Variants in RELN observed in about 807,000 individuals in gnomAD.
RELN encodes the protein reelin.
Under a neutral mutation model 427.6 loss-of-function variants are expected in RELN, and 108 were observed. The ratio of observed to expected loss-of-function variants is 0.25; its 90% CI spans 0.22 to 0.30. RELN has a LOEUF of 0.30. RELN is among the 10% of genes least tolerant of loss of function. The pLI, the probability that RELN is intolerant of heterozygous loss-of-function variation, is 1.00. For synonymous variants in RELN, 1,524 were observed against 1,513.4 expected, an observed-to-expected ratio of 1.01 and a Z score of -0.16; for missense variants, 3,715 against 4,302.8, an observed-to-expected ratio of 0.86 and a Z score of 3.82.
At chr7:103,535,192 T>C (rs375140633) in intron 46 of RELN, 124 bp downstream of exon 46, 12 of 866,546 alleles carry the variant, frequency 1.4e-5, no homozygotes, top group South Asian at 8.5e-5. Flanking sequence ...AATTCATACA[T>C]GGCAATACCA....
chr7:103,687,651 A>G (rs1037093987), intron 10 of RELN, among the ~76,000 whole-genome samples: 21 of 152,162 alleles, frequency 1.4e-4, no homozygotes, highest in African/African-American at 4.6e-4. Context: ...TGCTAGGTAC[A>G]AAGATGATAG....
chr7:103,928,786 T>C (rs1795799168), intron 1 of RELN, among the ~76,000 whole-genome samples: 1 of 151,996 alleles, frequency 6.6e-6, no homozygotes, highest in South Asian at 2.1e-4. Flanking sequence ...CAATCCAGAA[T>C]GAGGATGATG....
intron 48 of RELN, 47 bp from the exon 49 acceptor site, chr7:103,519,563 T>G: frequency 7.1e-7 from 1 of 1,403,856 alleles, no homozygotes; most frequent in South Asian, 1.2e-5. Flanking sequence ...GAATCTCGAT[T>G]GCAGATTATA....
At chr7:103,611,838 A>C (rs374844630) in intron 20 of RELN, 35 bp from the exon 21 acceptor site, 2 of 1,531,936 alleles carry the variant, frequency 1.3e-6, no homozygotes, top group African/African-American at 2.7e-5. Flanking sequence ...AGAAAATTCT[A>C]AACACAATGT....
intron 4 of RELN, among the ~76,000 whole-genome samples, chr7:103,763,781 G>T (rs1206890892): frequency 6.6e-6 from 1 of 152,146 alleles, no homozygotes; most frequent in African/African-American, 2.4e-5. Flanking sequence ...GAGAGAGAGA[G>T]AGGTGGGACA....
chr7:103,738,514 A>G (rs911061923), intron 6 of RELN, among the ~76,000 whole-genome samples: 1 of 151,954 alleles, frequency 6.6e-6, no homozygotes, highest in Non-Finnish European at 1.5e-5. Context: ...TATACAACAT[A>G]ATCATCACCC....
intron 21 of RELN, 97 bp downstream of exon 21, chr7:103,611,514 A>G: frequency 1.1e-6 from 1 of 927,758 alleles, no homozygotes; most frequent in Admixed American, 2.5e-5. Context: ...TTTTCAACCA[A>G]ACCTAAACTT....
chr7:103,736,170 C>T (rs1351079083), intron 6 of RELN, among the ~76,000 whole-genome samples: 3 of 152,094 alleles, frequency 2.0e-5, no homozygotes, highest in Admixed American at 6.6e-5. Context: ...TGACTTATTC[C>T]GAGACACTAG....
At chr7:103,668,127 G>A (rs1833312348) in intron 11 of RELN, among the ~76,000 whole-genome samples, 1 of 152,138 alleles carries the variant, frequency 6.6e-6, no homozygotes, top group Non-Finnish European at 1.5e-5. Flanking sequence ...CTACTTGGGA[G>A]GCTGAGGCAT....
intron 2 of RELN, among the ~76,000 whole-genome samples, chr7:103,910,477 T>G (rs1372005546): frequency 2.6e-5 from 4 of 152,000 alleles, no homozygotes; most frequent in African/African-American, 9.7e-5. Context: ...GATCATGACT[T>G]TCTTCACAGA....
intron 2 of RELN, among the ~76,000 whole-genome samples, chr7:103,839,983 G>A (rs1276963063): frequency 6.6e-6 from 1 of 152,122 alleles, no homozygotes; most frequent in African/African-American, 2.4e-5. Flanking sequence ...CACGAGATCT[G>A]GTTGTTTGAA....
At chr7:103,476,099 T>C (rs558851957) in intron 64 of RELN, among the ~76,000 whole-genome samples, 1 of 152,202 alleles carries the variant, frequency 6.6e-6, no homozygotes, top group Non-Finnish European at 1.5e-5. Flanking sequence ...TATCATATCT[T>C]TGGATTCCTG....
chr7:103,694,033 A>G (rs11978937), intron 10 of RELN, among the ~76,000 whole-genome samples: 1,648 of 152,276 alleles, frequency 0.011, 27 homozygotes, highest in African/African-American at 0.038. Flanking sequence ...AAAGGGAAGC[A>G]AACAGTGTTT....
At chr7:103,480,104 C>T (rs182365976) in intron 63 of RELN, among the ~76,000 whole-genome samples, 1 of 152,272 alleles carries the variant, frequency 6.6e-6, no homozygotes, top group Admixed American at 6.5e-5. Flanking sequence ...CCTCAGTCTG[C>T]TCCTCTCCCT....
chr7:103,604,147 A>G (rs1162479568), intron 23 of RELN, among the ~76,000 whole-genome samples, 199 bp downstream of exon 23: 1 of 152,216 alleles, frequency 6.6e-6, no homozygotes, highest in Non-Finnish European at 1.5e-5. Flanking sequence ...TTTGAGATTT[A>G]GAATATATGG....
At chr7:103,855,469 A>G (rs1287791050) in intron 2 of RELN, among the ~76,000 whole-genome samples, 1 of 152,260 alleles carries the variant, frequency 6.6e-6, no homozygotes, top group African/African-American at 2.4e-5. Flanking sequence ...GAGAGCACCA[A>G]GGAACATGCC....
At chr7:103,957,656 C>T (rs368466730) in intron 1 of RELN, among the ~76,000 whole-genome samples, 10 of 152,290 alleles carry the variant, frequency 6.6e-5, no homozygotes, top group African/African-American at 2.4e-4. Flanking sequence ...CTCATCCCCC[C>T]TTGTGGCCCA....
intron 8 of RELN, among the ~76,000 whole-genome samples, chr7:103,715,977 G>A (rs540592596): frequency 3.9e-5 from 6 of 152,190 alleles, no homozygotes; most frequent in South Asian, 2.1e-4. Flanking sequence ...TCCCCATCCC[G>A]GGCAGCAAGT....
chr7:103,857,034 A>G (rs888936575), intron 2 of RELN, among the ~76,000 whole-genome samples: 1 of 152,184 alleles, frequency 6.6e-6, no homozygotes, highest in Non-Finnish European at 1.5e-5. Context: ...AACTGTACCT[A>G]GCAAAGGTTA....
Sources: gnomAD v4.1 joint callset for allele counts (sites outside exome capture counted in the v4.1 genomes callset) on GRCh38, gnomAD v4.1.1 for gene constraint, MANE v1.5 for transcripts, NCBI Gene and HGNC (gene_info 2026-07-23, HGNC 2026-07-21) for gene names.